The following CCT6A variants were observed in gnomAD, a reference collection of about 807,000 sequenced individuals.
The protein encoded by CCT6A is chaperonin containing TCP1 subunit 6A, also known as T-complex protein 1 subunit zeta.
In CCT6A, 6 loss-of-function variants were observed where a neutral mutation model predicts 58.6. The ratio of observed to expected loss-of-function variants is 0.10; its 90% CI spans 0.06 to 0.20. CCT6A has a LOEUF of 0.20. Among genes scored for constraint, CCT6A ranks in the 10% least tolerant of loss-of-function variants. The probability of loss-of-function intolerance (pLI) is 1.00; values close to 1 mark genes in which losing one functional copy is unlikely to be tolerated. For missense variants in CCT6A, 516 were observed against 648.8 expected (o/e 0.80, Z 2.22); for synonymous variants, 245 against 227.8 (o/e 1.08, Z -0.68).
In CCT6A at chr7:56,052,407, C is replaced by T. The variant is rs781467291; in HGVS notation, c.138-15C>T. 3.1e-6 allele frequency: 5 copies of T among 1,612,060 alleles called. No homozygotes were observed. The highest frequency in any genetic ancestry group is 1.3e-5 in the African/African-American group (1 of 74,906). ...GAAAAAGTCATAGTCTGGTTCATTT[C>T]TGTCCTTTAAACAGGCTCGTTTCTG... is the stretch of plus-strand genomic sequence containing the variant. On this transcript the variant is annotated splice_polypyrimidine_tract_variant and intron_variant, in intron 1 of 13. Transcript: ENST00000275603.
chr7:56,055,912 T>C, intron 4 of CCT6A, 115 bp downstream of exon 4: 1 of 736,438 alleles, frequency 1.4e-6, no homozygotes, highest in Non-Finnish European at 2.2e-6. Flanking sequence ...GTAGGTTCAT[T>C]TTTGTGGCAA....
At position 56,054,405 on chromosome 7, in the gene CCT6A, G is replaced by T. The variant is rs745638524; in HGVS notation, c.238G>T (p.Val80Leu). Reference protein sequence around the residue: ...QHPTASLIAKVATAQDDITGD... With the variant: ...QHPTASLIAKLATAQDDITGD... ...CCCAACAGCTTCCTTAATAGCAAAG[G>T]TAGCAACAGCCCAGGATGATATAAC... The change falls in exon 3 of 14, where the codon GTA becomes TTA. Residue 80 changes from valine to leucine, a missense_variant. Around this residue, in one of 3 missense-constraint regions of CCT6A, gnomAD observed 116 missense variants for 184.5 expected, o/e 0.63. Coordinates refer to ENST00000275603, the MANE Select transcript of CCT6A (RefSeq NM_001762.4). 6.2e-7 allele frequency: 1 copy of T among 1,610,350 alleles called. No individual in the cohort carries two copies. Among genetic ancestry groups the T allele is most frequent in the Non-Finnish European group, 8.5e-7 (1 of 1,177,854 alleles).
chr7:56,056,496 G>A (rs1248556883), intron 5 of CCT6A, 82 bp downstream of exon 5: 7 of 757,564 alleles, frequency 9.2e-6, no homozygotes, highest in Non-Finnish European at 1.7e-5. Context: ...GCTGTGGTGG[G>A]CAAATCACCT....
rs377162938 is a variant in CCT6A, at chr7:56,054,392, C to A, written c.225C>A (p.Ser75=). The A allele has an allele frequency of 6.2e-7, 1 of 1,608,524 alleles. No individual in the cohort carries two copies. The highest frequency in any genetic ancestry group is 1.3e-5 in the African/African-American group (1 of 74,812). The change falls in exon 3 of 14, where the codon TCC becomes TCA. Residue 75 remains serine, a synonymous_variant. Coordinates refer to ENST00000275603, the MANE Select transcript of CCT6A (RefSeq NM_001762.4). ...AGCAAATTCAACACCCAACAGCTTC[C>A]TTAATAGCAAAGGTAGCAACAGCCC... ...HEMQIQHPTA[S]LIAKVATAQD...
In CCT6A at chr7:56,058,343, C is replaced by A; in HGVS notation, c.726-19C>A. The stretch of plus-strand genomic sequence containing the variant: ...CTTAATGTTTCCCTGCTTTCTGTAA[C>A]TTTTTTTTTTCTTAATAGAGAAGTG... On this transcript the variant is annotated intron_variant, in intron 6 of 13. Coordinates refer to ENST00000275603, the MANE Select transcript of CCT6A (RefSeq NM_001762.4). The A allele has an allele frequency of 7.0e-7, 1 of 1,431,224 alleles. No individual in the cohort carries two copies. The highest frequency in any genetic ancestry group is 9.4e-7 in the Non-Finnish European group (1 of 1,063,298). The allele number at this position is 1,431,224 out of a possible 1,614,324, so 88.7% of individuals were successfully genotyped here.
At chr7:56,056,072 A>G (rs1422541842) in intron 4 of CCT6A, among the ~76,000 whole-genome samples, 5 of 151,914 alleles carry the variant, frequency 3.3e-5, no homozygotes, top group Non-Finnish European at 7.3e-5. Context: ...TATTTTTAAT[A>G]AAACGAGGAA....
At chr7:56,059,436 T>G in intron 8 of CCT6A, 108 bp from the exon 9 acceptor site, 1 of 691,808 alleles carries the variant, frequency 1.4e-6, no homozygotes, top group Non-Finnish European at 2.6e-6. Context: ...ATTTTAAAAT[T>G]TAATTTTGTG....
At chr7:56,057,913 A>T in intron 5 of CCT6A, 80 bp from the exon 6 acceptor site, 1 of 795,012 alleles carries the variant, frequency 1.3e-6, no homozygotes, top group Non-Finnish European at 2.2e-6. Context: ...TGAAATATCA[A>T]TACCTTCTCA....
intron 9 of CCT6A, 46 bp downstream of exon 9, chr7:56,059,686 G>T: frequency 1.0e-6 from 1 of 964,296 alleles, no homozygotes; most frequent in South Asian, 1.3e-5. Flanking sequence ...TTTAGCTCGT[G>T]AATTATTTTT....
intron 1 of CCT6A, 104 bp from the exon 2 acceptor site, chr7:56,052,318 C>T (rs371149028): frequency 5.1e-5 from 50 of 988,488 alleles, no homozygotes; most frequent in South Asian, 3.7e-4. Flanking sequence ...TAACTAGCCC[C>T]ACATCCCTGG....
chr7:56,056,799 C>CT (rs79981799), intron 5 of CCT6A, among the ~76,000 whole-genome samples: 36,978 of 140,956 alleles, frequency 0.26, 5,001 homozygotes, highest in East Asian at 0.39. Context: ...AGATAGTTGG[C>CT]TTTTTTTTTT....
chr7:56,052,317 C>T (rs1253213600), intron 1 of CCT6A, 105 bp from the exon 2 acceptor site: 2 of 981,060 alleles, frequency 2.0e-6, no homozygotes, highest in Non-Finnish European at 3.3e-6. Context: ...ATAACTAGCC[C>T]CACATCCCTG....
Position 56,055,394 on chromosome 7 carries a change from T to C in CCT6A, c.337-230T>C. On this transcript the variant is annotated intron_variant, in intron 3 of 13. Coordinates refer to ENST00000275603, the MANE Select transcript of CCT6A (RefSeq NM_001762.4). ...ACAGTGAACACCCAAGTGTGCTTTA[T>C]AGTTCCCTTGGCTTTGACCCTGTGC... 4.8e-6 allele frequency: 3 copies of C among 623,214 alleles called. No homozygotes were observed. The Admixed American group carries it at 7.0e-5, about 15-fold the overall frequency. 38.6% of individuals were successfully genotyped at this position (623,214 alleles called of 1,614,324 possible).
In CCT6A at chr7:56,058,485, C is replaced by T. The variant is rs754612296; in HGVS notation, c.849C>T (p.Gly283=). 37 of 1,594,954 alleles carry T rather than the reference C, an allele frequency of 2.3e-5. No homozygotes were observed. The highest frequency in any genetic ancestry group is 1.3e-4 in the South Asian group (11 of 87,060). ...TAGAACTGAAAAGGAAAGTCTGTGG[C>T]GATTCAGATAAAGGATTTGTTGTTA... ...KIIELKRKVC[G]DSDKGFVVIN... Residue 283 remains glycine, a synonymous_variant, in exon 7 of 14, where the codon GGC becomes GGT. Coordinates refer to ENST00000275603, the MANE Select transcript of CCT6A (RefSeq NM_001762.4).
chr7:56,054,315 A>C (rs1471342577), intron 2 of CCT6A, 54 bp from the exon 3 acceptor site: 1 of 1,478,228 alleles, frequency 6.8e-7, no homozygotes, highest in Non-Finnish European at 9.4e-7. Context: ...TGTCTGTGGT[A>C]TATTTAGACT....
At chr7:56,058,203 C>T (rs1794356438) in intron 6 of CCT6A, 100 bp downstream of exon 6, 2 of 900,282 alleles carry the variant, frequency 2.2e-6, no homozygotes, top group Non-Finnish European at 3.5e-6. Flanking sequence ...GACAATAATG[C>T]TCAAATTGGT....
intron 9 of CCT6A, chr7:56,060,046 T>A (rs1794400523): frequency 3.7e-6 from 2 of 535,914 alleles, no homozygotes; most frequent in South Asian, 4.8e-5. Context: ...CAGGATCAGA[T>A]TTTTGTTTAT....
In CCT6A at chr7:56,051,827, C is replaced by T. The variant is rs1192144314; in HGVS notation, c.-22C>T. 7.7e-6 allele frequency: 12 copies of T among 1,550,932 alleles called. No homozygotes were observed. Among genetic ancestry groups the T allele is most frequent in the Admixed American group, 3.9e-5 (2 of 51,456 alleles). On this transcript the variant is annotated 5_prime_UTR_variant, in exon 1 of 14. Coordinates refer to ENST00000275603, the MANE Select transcript of CCT6A (RefSeq NM_001762.4). Reference sequence around the variant, plus strand: ...GGCTCTGGGCACTCAGCATCGTTTCCTTTTCCTCCGCTGGAGCAGCTATGG... The same window carrying T: ...GGCTCTGGGCACTCAGCATCGTTTCTTTTTCCTCCGCTGGAGCAGCTATGG...
In CCT6A at chr7:56,052,483, A is replaced by G. The variant is rs1240856848; in HGVS notation, c.199A>G (p.Met67Val). 6.2e-7 allele frequency: 1 copy of G among 1,613,102 alleles called. No individual in the cohort carries two copies. The highest frequency in any genetic ancestry group is 8.5e-7 in the Non-Finnish European group (1 of 1,179,132). The change falls in exon 2 of 14, where the codon ATG becomes GTG. Residue 67 changes from methionine to valine, a missense_variant and splice_region_variant. Met to Val is a conservative substitution (Grantham distance 21, BLOSUM62 1). Transcript: ENST00000275603. ...AGACGGCAATGTGCTGCTTCACGAA[A>G]TGGTGAGAGGTGCTCTGGGCTAGGT... is the stretch of plus-strand genomic sequence containing the variant. Reference protein sequence around the residue: ...TKDGNVLLHEMQIQHPTASLI... With the variant: ...TKDGNVLLHEVQIQHPTASLI...
Sources: gnomAD v4.1 joint callset for allele counts (sites outside exome capture counted in the v4.1 genomes callset) on GRCh38, gnomAD v4.1.1 for gene constraint, gnomAD v4.1.1 regional missense constraint, MANE v1.5 for transcripts, NCBI Gene and HGNC (gene_info 2026-07-23, HGNC 2026-07-21) for gene names.